Variants in CEBPZ observed in about 807,000 individuals in gnomAD.
CEBPZ encodes the protein CCAAT/enhancer-binding protein zeta.
Under a neutral mutation model 104.5 loss-of-function variants are expected in CEBPZ, and 78 were observed. The observed-to-expected ratio is 0.75, with a 90% confidence interval of 0.62 to 0.90. CEBPZ has a LOEUF of 0.90. CEBPZ is among the 40% of genes least tolerant of loss of function. CEBPZ has a pLI of 0.00. For missense variants in CEBPZ, 1,439 were observed against 1,233.5 expected (o/e 1.17, Z -2.50); for synonymous variants, 470 against 427.0 (o/e 1.10, Z -1.24).
chr2:37,212,878 A>C (rs1365770409), intron 10 of CEBPZ, among the ~76,000 whole-genome samples: 10 of 148,886 alleles, frequency 6.7e-5, no homozygotes, highest in East Asian at 5.9e-4. Flanking sequence ...AAAAAAAAAA[A>C]CAAAAAAAAA....
At chr2:37,205,070 A>C (rs1447873134) in intron 13 of CEBPZ, among the ~76,000 whole-genome samples, 1 of 152,234 alleles carries the variant, frequency 6.6e-6, no homozygotes, top group Non-Finnish European at 1.5e-5. Context: ...GGAAGACAAA[A>C]TCTGGAAGAT....
At chr2:37,217,195 G>GA (rs1664625800) in intron 5 of CEBPZ, among the ~76,000 whole-genome samples, 158 bp from the exon 6 acceptor site, 1 of 152,080 alleles carries the variant, frequency 6.6e-6, no homozygotes, top group African/African-American at 2.4e-5. Context: ...CCCAGAAGTT[G>GA]AGACTGGCCT....
At chr2:37,206,091 C>A (rs1232933892) in intron 13 of CEBPZ, among the ~76,000 whole-genome samples, 4 of 152,142 alleles carry the variant, frequency 2.6e-5, no homozygotes. Context: ...GGGCACCATC[C>A]AATCTGCTGG....
intron 9 of CEBPZ, 48 bp from the exon 10 acceptor site, chr2:37,214,009 CT>C (rs1391159611): frequency 9.6e-7 from 1 of 1,044,502 alleles, no homozygotes; most frequent in Non-Finnish European, 1.3e-6. Flanking sequence ...AAGGTCTAAT[CT>C]TACTATATAT....
chr2:37,216,416 T>G lies in CEBPZ; in HGVS notation c.2211A>C (p.Gly737=), dbSNP rs138013608. Residue 737 remains glycine, a splice_region_variant and synonymous_variant, in exon 7 of 16, where the codon GGA becomes GGC. Coordinates refer to ENST00000234170, the MANE Select transcript of CEBPZ (RefSeq NM_005760.3). ...VALFAKTILQ[G]NYIQYSGDPL... is the part of the protein sequence containing the mutation. ...GGTCCCCTGAATACTGAATATAGTT[T>G]CCCTGAAAAGTGGAGCGGGGATTTA... 1.2e-6 allele frequency: 2 copies of G among 1,604,114 alleles called. No individual in the cohort carries two copies. Among genetic ancestry groups the G allele is most frequent in the Non-Finnish European group, 1.7e-6 (2 of 1,174,814 alleles).
rs1221379369 is a variant in CEBPZ, at chr2:37,225,833, A to G, written c.1649+1711T>C. On this transcript the variant is annotated intron_variant, in intron 2 of 15. Coordinates refer to ENST00000234170, the MANE Select transcript of CEBPZ (RefSeq NM_005760.3). Reference sequence around the variant, plus strand: ...ATCTGTCTCCTGCCTGTCCCTGGGCAATGGAATGTCTCGGTATAAAACCCG... The same window carrying G: ...ATCTGTCTCCTGCCTGTCCCTGGGCGATGGAATGTCTCGGTATAAAACCCG... 1.9e-4 allele frequency among the ~76,000 whole-genome samples: 12 copies of G among 63,110 alleles called. No individual in the cohort carries two copies. The East Asian group carries it at 4.3e-3, about 23-fold the overall frequency. The allele number at this position is 63,110 out of a possible 152,430, so 41.4% of individuals were successfully genotyped here. A position where few individuals can be genotyped will look rare whatever the true frequency, so the allele number is the denominator to read the frequency against.
chr2:37,222,367 GA>G lies in CEBPZ; in HGVS notation c.2065+12del, dbSNP rs765355591. The G allele has an allele frequency of 1.3e-6, 2 of 1,562,432 alleles. No homozygotes were observed. Among genetic ancestry groups the G allele is most frequent in the South Asian group, 1.2e-5 (1 of 81,896 alleles). On this transcript the variant is annotated intron_variant, in intron 4 of 15. Transcript: ENST00000234170. ...AACAAACTCCCTAGAGAATAAAGAT[GA>G]AAAAAACTCACCTTTCAAATTATCA...
chr2:37,212,014 C>A lies in CEBPZ; in HGVS notation c.2629G>T (p.Ala877Ser). The change falls in exon 12 of 16, where the codon GCT (alanine) becomes TCT (serine). Residue 877 changes from alanine (A) to serine (S), a missense_variant. By Grantham distance (99) the Ala-to-Ser change is moderately conservative (BLOSUM62 1). Coordinates refer to ENST00000234170, the MANE Select transcript of CEBPZ (RefSeq NM_005760.3). ...TCTTCATCTAATGTGTTATCCTTAGCTCCTTTTGTTCTCTTTTTCACGTTT... is the reference window on the plus strand; with the variant it reads ...TCTTCATCTAATGTGTTATCCTTAGATCCTTTTGTTCTCTTTTTCACGTTT... ...AGNVKKRTKG[A>S]KDNTLDEDSE... is the part of the protein sequence containing the mutation. 2 of 1,590,122 alleles carry A rather than the reference C, an allele frequency of 1.3e-6. No homozygotes were observed. Among genetic ancestry groups the A allele is most frequent in the Non-Finnish European group, 1.7e-6 (2 of 1,173,682 alleles).
At position 37,212,642 on chromosome 2, in the gene CEBPZ, G is replaced by C. The variant is rs1323710930; in HGVS notation, c.2546-250C>G. ...CGGCTCTTTCTACAGTTCTTTTATGGAAAGAGGATAAATATCAAATAAAAT... is the reference window on the plus strand; with the variant it reads ...CGGCTCTTTCTACAGTTCTTTTATGCAAAGAGGATAAATATCAAATAAAAT... On this transcript the variant is annotated intron_variant, in intron 10 of 15. Transcript: ENST00000234170. 4 of 505,242 alleles carry C rather than the reference G, an allele frequency of 7.9e-6. No homozygotes were observed. In the South Asian group the frequency reaches 1.2e-4, roughly 15 times the overall value. 31.3% of individuals were successfully genotyped at this position (505,242 alleles called of 1,614,324 possible).
intron 4 of CEBPZ, among the ~76,000 whole-genome samples, chr2:37,221,361 CT>C (rs1204254855): frequency 6.6e-6 from 1 of 152,154 alleles, no homozygotes; most frequent in African/African-American, 2.4e-5. Flanking sequence ...AAACTTCTCC[CT>C]TTCCTAAATG....
At chr2:37,229,841 C>T (rs1224481850) in intron 1 of CEBPZ, among the ~76,000 whole-genome samples, 1 of 152,156 alleles carries the variant, frequency 6.6e-6, no homozygotes, top group Non-Finnish European at 1.5e-5. Context: ...GTAGCTGGCA[C>T]TACACGCCCA....
chr2:37,218,462 C>A (rs554962393), intron 5 of CEBPZ, among the ~76,000 whole-genome samples: 38 of 152,266 alleles, frequency 2.5e-4, no homozygotes, highest in African/African-American at 9.1e-4. Context: ...TAGTCTTTCA[C>A]ATAGCTGTGA....
chr2:37,230,281 C>G (rs569902384), intron 1 of CEBPZ, among the ~76,000 whole-genome samples: 1 of 152,010 alleles, frequency 6.6e-6, no homozygotes, highest in Non-Finnish European at 1.5e-5. Context: ...AAGATACACC[C>G]GTATTTCATA....
At chr2:37,219,981 TAAAA>T (rs985126659) in intron 5 of CEBPZ, among the ~76,000 whole-genome samples, 61 of 152,072 alleles carry the variant, frequency 4.0e-4, no homozygotes, top group African/African-American at 1.4e-3. Context: ...ATAATTATCA[TAAAA>T]AAACAAAAAC....
intron 5 of CEBPZ, among the ~76,000 whole-genome samples, chr2:37,218,328 GAGT>G (rs1179384831): frequency 6.6e-6 from 1 of 152,100 alleles, no homozygotes; most frequent in African/African-American, 2.4e-5. Context: ...AATATATAGC[GAGT>G]AGTATTACTT....
intron 1 of CEBPZ, 45 bp downstream of exon 1, chr2:37,231,367 A>G (rs200094783): frequency 3.7e-5 from 59 of 1,611,590 alleles, no homozygotes; most frequent in Middle Eastern, 1.6e-4. Context: ...CCACCTTCGG[A>G]ACTCTCCACG....
In CEBPZ at chr2:37,203,027, C is replaced by CT. The variant is rs1256895553; in HGVS notation, c.2885-20dup. ...CTTGGCCCTAAAAAAAATTGTAAGTCTACATTATTCAATTATAAATCTAAT... is the reference window on the plus strand; with the variant it reads ...CTTGGCCCTAAAAAAAATTGTAAGTCTTACATTATTCAATTATAAATCTAAT... On this transcript the variant is annotated intron_variant, in intron 13 of 15. Transcript: ENST00000234170. The CT allele has an allele frequency of 6.9e-7, 1 of 1,446,492 alleles. No individual in the cohort carries two copies. Among genetic ancestry groups the CT allele is most frequent in the Non-Finnish European group, 9.3e-7 (1 of 1,071,578 alleles). The allele number at this position is 1,446,492 out of a possible 1,614,324, so 89.6% of individuals were successfully genotyped here.
At chr2:37,211,786 T>A (rs1677726847) in intron 12 of CEBPZ, 57 bp downstream of exon 12, 2 of 1,328,410 alleles carry the variant, frequency 1.5e-6, no homozygotes, top group Non-Finnish European at 2.0e-6. Context: ...AAAAACAAAC[T>A]TAAGGCTAAG....
rs148234399 is a variant in CEBPZ at position 37,202,997 on chromosome 2, T to G, written c.2896A>C (p.Lys966Gln). Residue 966 changes from lysine (K) to glutamine (Q), a missense_variant, in exon 14 of 16, where the codon AAG becomes CAG. Lys to Gln is a moderately conservative substitution (Grantham distance 53, BLOSUM62 1). Coordinates refer to ENST00000234170, the MANE Select transcript of CEBPZ (RefSeq NM_005760.3). ...CTGGAATCATTTAAGTTTCTTTTCT[T>G]TTTTCTTGGCCCTAAAAAAAATTGT... ...FAGSFQGPRK[K>Q]KRNLNDSSLF... 344 of 1,551,558 alleles carry G rather than the reference T, an allele frequency of 2.2e-4. 1 individual carries two copies. In the African/African-American group the frequency reaches 4.2e-3, roughly 19 times the overall value.
Sources: gnomAD v4.1 joint callset for allele counts (sites outside exome capture counted in the v4.1 genomes callset) on GRCh38, gnomAD v4.1.1 for gene constraint, MANE v1.5 for transcripts, NCBI Gene and HGNC (gene_info 2026-07-23, HGNC 2026-07-21) for gene names.